The following PARP16 variants were observed in gnomAD, a reference collection of about 807,000 sequenced individuals.
PARP16 encodes the protein poly(ADP-ribose) polymerase family member 16.
In PARP16, 31 loss-of-function variants were observed where a neutral mutation model predicts 35.0. The observed-to-expected ratio is 0.88, with a 90% CI of 0.66 to 1.19. The LOEUF (loss-of-function observed/expected upper bound fraction) is 1.19. Among genes scored for constraint, PARP16 ranks in the 50% most tolerant of loss-of-function variants. The probability of loss-of-function intolerance (pLI) is 0.00; values close to 1 mark genes in which losing one functional copy is unlikely to be tolerated. For missense variants in PARP16, 424 were observed against 411.2 expected (o/e 1.03, Z -0.27); for synonymous variants, 162 against 169.5 (o/e 0.96, Z 0.34).
chr15:65,240,309 T>TGTGGG lies in PARP16; in HGVS notation c.*98-5487_*98-5486insCCCAC, dbSNP rs1185530679. Among the ~76,000 whole-genome samples, 15 of 86,576 alleles carry TGTGGG rather than the reference T, an allele frequency of 1.7e-4. 1 individual carries two copies. Among genetic ancestry groups the TGTGGG allele is most frequent in the Non-Finnish European group, 3.9e-4 (15 of 38,258 alleles). The allele number at this position is 86,576 out of a possible 152,430, so 56.8% of individuals were successfully genotyped here. On this transcript the variant is annotated intron_variant and NMD_transcript_variant, in intron 3 of 3. Coordinates refer to the PARP16 transcript ENST00000559805. ...CACGCCTGGCTAGTGTGTGTGTGTGTGGTGGGGGGGGCTAGTGTGTGTGTG... is the reference window on the plus strand; with the variant it reads ...CACGCCTGGCTAGTGTGTGTGTGTGTGTGGGGGTGGGGGGGGCTAGTGTGTGTGTG...
downstream of PARP16, among the ~76,000 whole-genome samples, chr15:65,255,607 T>G (rs950874588): frequency 2.0e-5 from 3 of 151,718 alleles, no homozygotes; most frequent in African/African-American, 7.3e-5. Context: ...CCACTAACCC[T>G]GGAGCTCCTG....
chr15:65,263,624 G>T (rs1379266956), intron 3 of PARP16, among the ~76,000 whole-genome samples: 1 of 152,136 alleles, frequency 6.6e-6, no homozygotes, highest in East Asian at 1.9e-4. Context: ...AACCAACCTC[G>T]GTTTGAATCC....
chr15:65,235,861 G>GTTT (rs752611247), intron 3 of PARP16, among the ~76,000 whole-genome samples: 12 of 121,994 alleles, frequency 9.8e-5, no homozygotes, highest in African/African-American at 2.1e-4. Flanking sequence ...TGCAGATATG[G>GTTT]TTTTTTTTTT....
rs1242085686 is a variant in PARP16, at chr15:65,261,036, G to A, written c.692-10C>T. On this transcript the variant is annotated splice_polypyrimidine_tract_variant and intron_variant, in intron 4 of 5. Transcript: ENST00000649807. ...TCTATCTCCTTGGAATCTGAATAAGGAGAGTAAAACACATCTTCACTGGGG... is the reference window on the plus strand; with the variant it reads ...TCTATCTCCTTGGAATCTGAATAAGAAGAGTAAAACACATCTTCACTGGGG... 3 of 1,612,554 alleles carry A rather than the reference G, an allele frequency of 1.9e-6. No individual in the cohort carries two copies.
intron 3 of PARP16, among the ~76,000 whole-genome samples, chr15:65,247,733 C>T (rs2089246033): frequency 6.6e-6 from 1 of 150,818 alleles, no homozygotes. Context: ...TTCACACAGA[C>T]AGACACACAG....
intron 1 of PARP16, among the ~76,000 whole-genome samples, chr15:65,273,330 T>C (rs1377784530): frequency 2.1e-5 from 3 of 141,698 alleles, no homozygotes; most frequent in African/African-American, 7.6e-5. Context: ...TTCTAGAAAA[T>C]TGACTATTAC....
intron 1 of PARP16, among the ~76,000 whole-genome samples, chr15:65,271,342 TG>T (rs1169100397): frequency 6.6e-6 from 1 of 152,118 alleles, no homozygotes. Flanking sequence ...GGCATGATCT[TG>T]GCTCACTGCA....
rs188910441 is a variant in PARP16 at position 65,272,856 on chromosome 15, C to T, written c.175-1784G>A. Among the ~76,000 whole-genome samples the T allele has an allele frequency of 3.4e-3, 520 of 152,358 alleles. 4 individuals carry two copies. Among genetic ancestry groups the T allele is most frequent in the Admixed American group, 7.0e-3 (107 of 15,304 alleles). On this transcript the variant is annotated intron_variant, in intron 1 of 5. Coordinates refer to ENST00000649807, the MANE Select transcript of PARP16 (RefSeq NM_001316943.2). ...GGAAGTTTGAAGAAGGTCACAGAAT[C>T]TCAGGGCTTGGTCTATATATGTCCA...
At chr15:65,281,972 C>T (rs1460486017) in intron 1 of PARP16, among the ~76,000 whole-genome samples, 1 of 152,186 alleles carries the variant, frequency 6.6e-6, no homozygotes, top group Non-Finnish European at 1.5e-5. Flanking sequence ...AAATGGTAAA[C>T]TTTCACATTA....
rs117870489 is a variant in PARP16, at chr15:65,276,171, T to C, written c.175-5099A>G. Among the ~76,000 whole-genome samples the C allele has an allele frequency of 7.7e-3, 1,169 of 152,286 alleles. 8 individuals are homozygous for C. Among genetic ancestry groups the C allele is most frequent in the Non-Finnish European group, 0.012 (792 of 68,026 alleles). ...AATTCCTCAACTGACCTTCTTTATG[T>C]CCCATTTCACTTTGCGTGTTACTCT... On this transcript the variant is annotated intron_variant, in intron 1 of 5. Transcript: ENST00000649807.
intron 1 of PARP16, 45 bp downstream of exon 1, chr15:65,286,208 T>C: frequency 1.4e-6 from 2 of 1,459,444 alleles, no homozygotes; most frequent in Non-Finnish European, 9.1e-7. Context: ...CACAGGGCAC[T>C]TGGTCCAGGA....
At chr15:65,267,692 T>TTTA in intron 2 of PARP16, among the ~76,000 whole-genome samples, 1 of 90,132 alleles carries the variant, frequency 1.1e-5, no homozygotes, top group Non-Finnish European at 2.4e-5. Context: ...TTTTTTTTTT[T>TTTA]TTTTTTTTTT....
At position 65,286,296 on chromosome 15, in the gene PARP16, G is replaced by C; in HGVS notation, c.131C>G (p.Pro44Arg). ...YKRDSVLRPFPASYARGDCKD... is the reference protein window; with the variant it reads ...YKRDSVLRPFRASYARGDCKD... ...ACAGTCGCCGCGGGCGTAGGACGCGGGGAAGGGCCGCAGCACCGAGTCGCG... is the reference window on the plus strand; with the variant it reads ...ACAGTCGCCGCGGGCGTAGGACGCGCGGAAGGGCCGCAGCACCGAGTCGCG... The change falls in exon 1 of 6, where the codon CCC becomes CGC. Residue 44 changes from proline to arginine, a missense_variant. Pro to Arg is a moderately radical substitution (Grantham distance 103). Transcript: ENST00000649807. 1.9e-6 allele frequency: 3 copies of C among 1,601,990 alleles called. No homozygotes were observed. The highest frequency in any genetic ancestry group is 2.6e-6 in the Non-Finnish European group (3 of 1,175,578).
intron 1 of PARP16, among the ~76,000 whole-genome samples, chr15:65,273,097 G>T (rs1176217875): frequency 5.3e-5 from 8 of 151,796 alleles, no homozygotes; most frequent in Non-Finnish European, 1.5e-5. Flanking sequence ...GACCAACATG[G>T]TGAAACCCCA....
At chr15:65,285,482 G>C (rs1203622174) in intron 1 of PARP16, 5 of 401,986 alleles carry the variant, frequency 1.2e-5, no homozygotes, top group Admixed American at 2.7e-5. Flanking sequence ...GTGCAAGTCA[G>C]AATCTGATAC....
chr15:65,246,807 C>T (rs1235950417), intron 3 of PARP16, among the ~76,000 whole-genome samples: 1 of 152,146 alleles, frequency 6.6e-6, no homozygotes, highest in South Asian at 2.1e-4. Context: ...GATTTTCTCC[C>T]CCACTGTCCC....
At chr15:65,231,167 C>CT (rs1567003642), downstream of PARP16, among the ~76,000 whole-genome samples, 1 of 152,060 alleles carries the variant, frequency 6.6e-6, no homozygotes, top group South Asian at 2.1e-4. Flanking sequence ...GGATTACAGG[C>CT]GTGAGCCACC....
downstream of PARP16, among the ~76,000 whole-genome samples, chr15:65,256,476 C>T (rs2089512806): frequency 7.0e-6 from 1 of 143,410 alleles, no homozygotes; most frequent in African/African-American, 2.6e-5. Context: ...CGCACAATCT[C>T]GGTTCACTGC....
chr15:65,241,858 C>T (rs529826359), intron 3 of PARP16, among the ~76,000 whole-genome samples: 5 of 151,856 alleles, frequency 3.3e-5, no homozygotes, highest in Non-Finnish European at 7.4e-5. Flanking sequence ...GTTGTCTTTT[C>T]GTTTTTCTAG....
Sources: allele counts gnomAD v4.1 joint callset (sites outside exome capture counted in the v4.1 genomes callset), GRCh38; gene constraint gnomAD v4.1.1; transcripts MANE v1.5; gene names NCBI Gene and HGNC (gene_info 2026-07-23, HGNC 2026-07-21).